Variants in LINGO2 observed in about 807,000 individuals in gnomAD.
LINGO2 encodes leucine-rich repeat and immunoglobulin-like domain-containing nogo receptor-interacting protein 2.
Under a neutral mutation model 30.6 loss-of-function variants are expected in LINGO2, and 14 were observed. That is an observed-to-expected ratio of 0.46 (90% CI 0.30 to 0.72). LINGO2 has a LOEUF of 0.72. Among genes scored for constraint, LINGO2 ranks in the 30% least tolerant of loss-of-function variants. The probability of loss-of-function intolerance (pLI) is 0.07; values close to 1 mark genes in which losing one functional copy is unlikely to be tolerated. For synonymous variants in LINGO2, 317 were observed against 288.5 expected, an observed-to-expected ratio of 1.10 and a Z score of -1.00; for missense variants, 729 against 751.7, an observed-to-expected ratio of 0.97 and a Z score of 0.35.
the LINGO2 span, among the ~76,000 whole-genome samples, chr9:28,724,555 C>G: frequency 2.6e-5 from 4 of 152,100 alleles, no homozygotes; most frequent in Non-Finnish European, 5.9e-5. Context: ...CTGGATGGAG[C>G]TTTCAGATAA....
rs1051424351 is a variant in LINGO2, at chr9:28,129,466, C to T, written c.-86-117061G>A. ...GAGATTCCTAAGTATAACTCTTGGCCGGCCTGGATGTCTCATCACAGAAAC... is the reference window on the plus strand; with the variant it reads ...GAGATTCCTAAGTATAACTCTTGGCTGGCCTGGATGTCTCATCACAGAAAC... On this transcript the variant is annotated intron_variant, in intron 4 of 5. Coordinates refer to ENST00000379992, the Ensembl canonical transcript of LINGO2. The surrounding 1 kb of genome is among the most constrained non-coding windows in gnomAD (Gnocchi z 4.0). Among the ~76,000 whole-genome samples, 3 of 152,092 alleles carry T rather than the reference C, an allele frequency of 2.0e-5. No homozygotes were observed. Among genetic ancestry groups the T allele is most frequent in the East Asian group, 3.9e-4 (2 of 5,176 alleles).
At chr9:28,509,581 T>A (rs1318068034) in intron 1 of LINGO2, among the ~76,000 whole-genome samples, 1 of 152,204 alleles carries the variant, frequency 6.6e-6, no homozygotes, top group Non-Finnish European at 1.5e-5. Flanking sequence ...ACTCCCAATG[T>A]GACTATATTG....
the LINGO2 span, among the ~76,000 whole-genome samples, chr9:28,850,231 T>C: frequency 0.02 from 3,056 of 152,094 alleles, 109 homozygotes; most frequent in African/African-American, 0.068. Flanking sequence ...ATTTCAGCAA[T>C]TAAAAGAAGT....
intron 4 of LINGO2, among the ~76,000 whole-genome samples, chr9:28,183,507 T>C (rs1819432990): frequency 6.6e-6 from 1 of 152,160 alleles, no homozygotes; most frequent in Non-Finnish European, 1.5e-5. Context: ...ACTGCCTTTT[T>C]TTGTAAATAA....
chr9:28,348,426 C>T (rs1819685128), intron 3 of LINGO2, among the ~76,000 whole-genome samples: 1 of 152,224 alleles, frequency 6.6e-6, no homozygotes, highest in African/African-American at 2.4e-5. Context: ...CACCAGAATA[C>T]TGCGCTTTTC....
At chr9:28,579,332 GA>G (rs1824148512) in intron 1 of LINGO2, among the ~76,000 whole-genome samples, 1 of 152,060 alleles carries the variant, frequency 6.6e-6, no homozygotes, top group Non-Finnish European at 1.5e-5. Flanking sequence ...CTTTCTGAGG[GA>G]GGGGTAATGA....
At chr9:28,613,182 C>T (rs1825991735) in intron 1 of LINGO2, among the ~76,000 whole-genome samples, 2 of 152,182 alleles carry the variant, frequency 1.3e-5, no homozygotes, top group East Asian at 1.9e-4. Flanking sequence ...TTATAAATTA[C>T]ACAGTCTTGG....
At chr9:29,012,587 A>G in the LINGO2 span, among the ~76,000 whole-genome samples, 2 of 152,120 alleles carry the variant, frequency 1.3e-5, no homozygotes, top group African/African-American at 4.8e-5. Context: ...CTAAATGGTA[A>G]GTAATATTAA....
the LINGO2 span, among the ~76,000 whole-genome samples, chr9:28,697,858 T>C: frequency 6.6e-6 from 1 of 152,064 alleles, no homozygotes; most frequent in Non-Finnish European, 1.5e-5. Flanking sequence ...AAAAATAATA[T>C]TTGGTGTTGC....
At chr9:28,142,476 T>C (rs2133501188) in intron 4 of LINGO2, among the ~76,000 whole-genome samples, 1 of 152,286 alleles carries the variant, frequency 6.6e-6, no homozygotes, top group South Asian at 2.1e-4. Context: ...TTGTTCAGGA[T>C]TAAATAACAT....
intron 4 of LINGO2, among the ~76,000 whole-genome samples, chr9:28,241,020 C>T (rs990862658): frequency 6.6e-6 from 1 of 151,938 alleles, no homozygotes; most frequent in Non-Finnish European, 1.5e-5. Flanking sequence ...CCTGTAATTC[C>T]AACACTTTGG....
chr9:28,058,908 G>A (rs951565938), intron 4 of LINGO2, among the ~76,000 whole-genome samples: 2 of 152,064 alleles, frequency 1.3e-5, no homozygotes, highest in African/African-American at 4.8e-5. Context: ...ACTTGTACAT[G>A]CATGCAATTT....
chr9:28,814,487 G>T, the LINGO2 span, among the ~76,000 whole-genome samples: 3 of 152,112 alleles, frequency 2.0e-5, no homozygotes, highest in African/African-American at 7.2e-5. Context: ...TCTTGCCAAG[G>T]TAACACCGTC....
At chr9:28,601,970 T>C (rs1825497548) in intron 1 of LINGO2, among the ~76,000 whole-genome samples, 1 of 151,966 alleles carries the variant, frequency 6.6e-6, no homozygotes, top group Non-Finnish European at 1.5e-5. Flanking sequence ...ACTTCAAAGG[T>C]ATAACATTTT....
chr9:28,908,687 T>A, the LINGO2 span, among the ~76,000 whole-genome samples: 3 of 151,908 alleles, frequency 2.0e-5, no homozygotes, highest in Non-Finnish European at 4.4e-5. Context: ...ATATTCACAA[T>A]CTATTTTATA....
In LINGO2 at chr9:28,434,529, CAAAAA is replaced by C. The variant is rs3064822; in HGVS notation, c.-279+41406_-279+41410del. 2.2e-3 allele frequency among the ~76,000 whole-genome samples: 289 copies of C among 131,002 alleles called. 1 individual carries two copies. The highest frequency in any genetic ancestry group is 7.5e-3 in the Middle Eastern group (2 of 268). The allele number at this position is 131,002 out of a possible 152,430, so 85.9% of individuals were successfully genotyped here. Reference sequence around the variant, plus strand: ...CTGCCAGAATAAAGTTCTTGAGCATCAAAAAAAAAAAAAAAAAATACTGGAGATGG... The same window carrying C: ...CTGCCAGAATAAAGTTCTTGAGCATCAAAAAAAAAAAAATACTGGAGATGG... On this transcript the variant is annotated intron_variant, in intron 2 of 5. Transcript: ENST00000379992.
At chr9:28,063,291 T>C (rs529281568) in intron 4 of LINGO2, among the ~76,000 whole-genome samples, 3 of 152,242 alleles carry the variant, frequency 2.0e-5, no homozygotes, top group Non-Finnish European at 4.4e-5. Context: ...CTCACAGAGA[T>C]TTTTCTGAAA....
chr9:29,034,017 G>A, the LINGO2 span, among the ~76,000 whole-genome samples: 1 of 151,938 alleles, frequency 6.6e-6, no homozygotes, highest in East Asian at 1.9e-4. Flanking sequence ...AGGTGGTGGA[G>A]GTTGCAGTGA....
chr9:28,655,758 T>G (rs987079540), intron 1 of LINGO2, among the ~76,000 whole-genome samples: 12 of 152,086 alleles, frequency 7.9e-5, no homozygotes, highest in Admixed American at 3.9e-4. Context: ...TTCTTCTCCC[T>G]GCTGCCATGT....
Sources: gnomAD v4.1 joint callset for allele counts (sites outside exome capture counted in the v4.1 genomes callset) on GRCh38, gnomAD v4.1.1 for gene constraint, Gnocchi (gnomAD v3.1) non-coding constraint, MANE v1.5 for transcripts, NCBI Gene and HGNC (gene_info 2026-07-23, HGNC 2026-07-21) for gene names.